GAPDHS: variants seen among roughly 807,000 people sequenced by gnomAD.
The protein encoded by GAPDHS is glyceraldehyde-3-phosphate dehydrogenase, testis-specific.
A neutral mutation model predicts 48.7 loss-of-function variants in GAPDHS; 42 were observed. That is an observed-to-expected ratio of 0.86 (90% CI 0.67 to 1.12). GAPDHS has a LOEUF of 1.12. Among genes scored for constraint, GAPDHS ranks in the 50% most tolerant of loss-of-function variants. The pLI, the probability that GAPDHS is intolerant of heterozygous loss-of-function variation, is 0.00. For synonymous variants in GAPDHS, 166 were observed against 219.1 expected (o/e 0.76, Z 2.14); for missense variants, 512 against 557.7 (o/e 0.92, Z 0.82).
chr19:35,538,706 G>A (rs535009556), intron 4 of GAPDHS, 23 bp downstream of exon 4: 4 of 1,360,186 alleles, frequency 2.9e-6, no homozygotes, highest in Non-Finnish European at 4.2e-6. Context: ...TCTGTCTGAT[G>A]CACGGCTGTG....
intron 1 of GAPDHS, among the ~76,000 whole-genome samples, chr19:35,535,391 A>T (rs570460663): frequency 1.7e-4 from 26 of 150,432 alleles, no homozygotes; most frequent in Non-Finnish European, 2.4e-4. Context: ...TTTATTTTTT[A>T]TTTTTTTTTG....
rs1600134485 is a variant in GAPDHS, at chr19:35,543,367, C to G, written c.769C>G (p.Gln257Glu). Residue 257 changes from glutamine (Q) to glutamate (E), a missense_variant, in exon 8 of 11, where the codon CAG (glutamine) becomes GAG (glutamate). By Grantham distance (29) the Gln-to-Glu change is conservative. Coordinates refer to ENST00000222286, the MANE Select transcript of GAPDHS (RefSeq NM_014364.5). The part of the protein sequence containing the change: ...MTTVHSYTAT[Q>E]KTVDGPSRKA... Reference sequence around the variant, plus strand: ...CACAGTCCATTCCTACACGGCCACCCAGAAGACAGTGGACGGGCCATCAAG... The same window carrying G: ...CACAGTCCATTCCTACACGGCCACCGAGAAGACAGTGGACGGGCCATCAAG... The G allele has an allele frequency of 6.2e-7, 1 of 1,613,134 alleles. No individual in the cohort carries two copies. The highest frequency in any genetic ancestry group is 1.7e-4 in the Middle Eastern group (1 of 6,048).
Position 35,533,532 on chromosome 19 carries a change from C to T in GAPDHS, c.5C>T (p.Ser2Leu), listed in dbSNP as rs143389778. 1.5e-4 allele frequency: 249 copies of T among 1,613,468 alleles called. 1 individual carries two copies. In the African/African-American group the frequency reaches 3.1e-3, roughly 20 times the overall value. Reference protein sequence around the residue: MSKRDIVLTNVT... With the variant: MLKRDIVLTNVT... ...ATGATAACCTTATAAGAGGCCATGT[C>T]GAAGCGCGACATCGTCCTCACCAAT... Residue 2 changes from serine to leucine, a missense_variant, in exon 1 of 11, where the codon TCG becomes TTG. By Grantham distance (145) the Ser-to-Leu change is moderately radical. Coordinates refer to ENST00000222286, the MANE Select transcript of GAPDHS (RefSeq NM_014364.5).
Position 35,544,855 on chromosome 19 carries a change from C to T in GAPDHS, c.1057-54C>T, listed in dbSNP as rs2071533485. ...AGAGTTAAGAGTCGGGGCCTCAGCT[C>T]CTGGAGGTCCTTGCTCTGCCGGACA... is the stretch of plus-strand genomic sequence containing the variant. On this transcript the variant is annotated intron_variant, in intron 9 of 10. Transcript: ENST00000222286. 6.7e-6 allele frequency: 7 copies of T among 1,039,558 alleles called. No homozygotes were observed. In the East Asian group the frequency reaches 1.7e-4, roughly 25 times the overall value. 64.4% of individuals were successfully genotyped at this position (1,039,558 alleles called of 1,614,324 possible). A position where few individuals can be genotyped will look rare whatever the true frequency, so the allele number is the denominator to read the frequency against.
At chr19:35,537,115 T>C in intron 2 of GAPDHS, 125 bp downstream of exon 2, 3 of 765,820 alleles carry the variant, frequency 3.9e-6, no homozygotes, top group East Asian at 2.6e-5. Context: ...CCTGGAGAAA[T>C]AGCCCGGAGC....
At chr19:35,537,302 T>A (rs1033510612) in intron 2 of GAPDHS, among the ~76,000 whole-genome samples, 1 of 152,144 alleles carries the variant, frequency 6.6e-6, no homozygotes, top group African/African-American at 2.4e-5. Flanking sequence ...GAAGGTGTCA[T>A]TGGAGCGGGA....
intron 4 of GAPDHS, among the ~76,000 whole-genome samples, chr19:35,540,555 T>C (rs1025574002): frequency 9.0e-6 from 1 of 111,294 alleles, no homozygotes; most frequent in Non-Finnish European, 2.2e-5. Context: ...AGGATAACCA[T>C]GCATGTGTGA....
intron 4 of GAPDHS, among the ~76,000 whole-genome samples, chr19:35,539,006 C>G (rs1468479895): frequency 6.6e-6 from 1 of 152,068 alleles, no homozygotes; most frequent in East Asian, 1.9e-4. Flanking sequence ...CTTGACCTCC[C>G]GGGCTCAAGT....
chr19:35,533,605 C>G lies in GAPDHS; in HGVS notation c.67+11C>G, dbSNP rs1404997255. On this transcript the variant is annotated intron_variant, in intron 1 of 10. Transcript: ENST00000222286. ...GACAGCCGTGCCCGGGTGAGGGAGG[C>G]AGCGGAGGGCGCGGGGGAGGGGTGG... 12 of 1,605,294 alleles carry G rather than the reference C, an allele frequency of 7.5e-6. No homozygotes were observed. The highest frequency in any genetic ancestry group is 9.4e-6 in the Non-Finnish European group (11 of 1,175,510).
intron 7 of GAPDHS, 84 bp from the exon 8 acceptor site, chr19:35,543,256 T>A: frequency 6.5e-7 from 1 of 1,527,110 alleles, no homozygotes; most frequent in Non-Finnish European, 9.0e-7. Flanking sequence ...CCTCCACACC[T>A]AGGCCACCAA....
intron 7 of GAPDHS, 126 bp downstream of exon 7, chr19:35,543,152 A>C: frequency 1.0e-6 from 1 of 960,712 alleles, no homozygotes; most frequent in African/African-American, 1.6e-5. Flanking sequence ...CCACCAGTGC[A>C]GAAGTCACTT....
chr19:35,544,875 C>T lies in GAPDHS; in HGVS notation c.1057-34C>T, dbSNP rs369372325. On this transcript the variant is annotated intron_variant, in intron 9 of 10. Coordinates refer to ENST00000222286, the MANE Select transcript of GAPDHS (RefSeq NM_014364.5). Reference sequence around the variant, plus strand: ...CAGCTCCTGGAGGTCCTTGCTCTGCCGGACACACTTATCTTTGAAATTCTG... The same window carrying T: ...CAGCTCCTGGAGGTCCTTGCTCTGCTGGACACACTTATCTTTGAAATTCTG... 1.8e-5 allele frequency: 24 copies of T among 1,342,288 alleles called. No individual in the cohort carries two copies. In the African/African-American group the frequency reaches 2.7e-4, roughly 15 times the overall value. The allele number at this position is 1,342,288 out of a possible 1,614,324, so 83.1% of individuals were successfully genotyped here.
chr19:35,538,834 G>A (rs1161234433), intron 4 of GAPDHS, 151 bp downstream of exon 4: 16 of 643,552 alleles, frequency 2.5e-5, no homozygotes, highest in Non-Finnish European at 4.5e-5. Context: ...TTTGAAGAGG[G>A]AAGTCTCAGG....
chr19:35,540,619 T>G (rs1388976839), intron 4 of GAPDHS: 1 of 151,818 alleles, frequency 6.6e-6, no homozygotes, highest in Admixed American at 6.6e-5. Flanking sequence ...GAAACAGGAG[T>G]GCAGACCCGA....
intron 4 of GAPDHS, among the ~76,000 whole-genome samples, chr19:35,539,915 G>A (rs1025929703): frequency 1.3e-5 from 2 of 152,112 alleles, no homozygotes; most frequent in African/African-American, 2.4e-5. Flanking sequence ...CTCCGTCCAC[G>A]GTCCCGACTC....
rs772191198 is a variant in GAPDHS at position 35,545,251 on chromosome 19, G to C, written c.*81G>C. 57 of 1,196,620 alleles carry C rather than the reference G, an allele frequency of 4.8e-5. No individual in the cohort carries two copies. Among genetic ancestry groups the C allele is most frequent in the Admixed American group, 6.9e-5 (4 of 57,808 alleles). 74.1% of individuals were successfully genotyped at this position (1,196,620 alleles called of 1,614,324 possible). ...CGTTCCAGCATCTGGCTGCCCGGGG[G>C]AGGAAGGACACCCGGGGCGGGCGCC... On this transcript the variant is annotated 3_prime_UTR_variant, in exon 11 of 11. Coordinates refer to ENST00000222286, the MANE Select transcript of GAPDHS (RefSeq NM_014364.5).
rs772564460 is a variant in GAPDHS at position 35,533,543 on chromosome 19, A to G, written c.16A>G (p.Ile6Val). Residue 6 changes from isoleucine (I) to valine (V), a missense_variant, in exon 1 of 11, where the codon ATC becomes GTC. Physicochemically the swap from Ile to Val is conservative, Grantham distance 29 (BLOSUM62 3). Coordinates refer to ENST00000222286, the MANE Select transcript of GAPDHS (RefSeq NM_014364.5). MSKRD[I>V]VLTNVTVVQL... is the part of the protein sequence containing the mutation. The stretch of plus-strand genomic sequence containing the variant: ...ATAAGAGGCCATGTCGAAGCGCGAC[A>G]TCGTCCTCACCAATGTCACCGTTGT... The G allele has an allele frequency of 6.2e-7, 1 of 1,613,750 alleles. No individual in the cohort carries two copies. Among genetic ancestry groups the G allele is most frequent in the Non-Finnish European group, 8.5e-7 (1 of 1,179,940 alleles).
intron 1 of GAPDHS, 84 bp from the exon 2 acceptor site, chr19:35,536,729 G>C: frequency 8.4e-7 from 1 of 1,191,280 alleles, no homozygotes; most frequent in Non-Finnish European, 1.2e-6. Context: ...CCAGGAGCCA[G>C]CAACAGATTC....
At chr19:35,537,405 C>T (rs1022684606) in intron 2 of GAPDHS, among the ~76,000 whole-genome samples, 3 of 152,040 alleles carry the variant, frequency 2.0e-5, no homozygotes, top group African/African-American at 2.4e-5. Flanking sequence ...GGGGCAGAGG[C>T]GAGCTCAGTA....
Sources: allele counts gnomAD v4.1 joint callset (sites outside exome capture counted in the v4.1 genomes callset), GRCh38; gene constraint gnomAD v4.1.1; transcripts MANE v1.5; gene names NCBI Gene and HGNC (gene_info 2026-07-23, HGNC 2026-07-21).